Variants in FANCC observed in about 807,000 individuals in gnomAD.
FANCC encodes the protein Fanconi anemia group C protein.
FANCC carries 55 observed loss-of-function variants against 71.3 expected under a neutral mutation model. The observed-to-expected ratio is 0.77, with a 90% CI of 0.62 to 0.97. The LOEUF is 0.97. FANCC is among the 50% of genes least tolerant of loss of function. FANCC has a pLI of 0.00. For synonymous variants in FANCC, 275 were observed against 244.9 expected (o/e 1.12, Z -1.15); for missense variants, 678 against 670.9 (o/e 1.01, Z -0.12).
At chr9:95,275,748 G>GT (rs1368361760) in intron 1 of FANCC, among the ~76,000 whole-genome samples, 1 of 152,138 alleles carries the variant, frequency 6.6e-6, no homozygotes. Flanking sequence ...ACCTAGCTAG[G>GT]TGGTGCATGC....
chr9:95,113,043 T>C (rs2072082674), intron 12 of FANCC, among the ~76,000 whole-genome samples: 1 of 152,238 alleles, frequency 6.6e-6, no homozygotes, highest in Admixed American at 6.5e-5. Context: ...ATCTACGTCC[T>C]GTCCCCGAGT....
chr9:95,165,743 G>A (rs1244311550), intron 6 of FANCC, among the ~76,000 whole-genome samples: 1 of 152,056 alleles, frequency 6.6e-6, no homozygotes, highest in Non-Finnish European at 1.5e-5. Flanking sequence ...TGAGAAGAGT[G>A]TATATTCTGC....
At chr9:95,166,278 C>T (rs1225344274) in intron 6 of FANCC, among the ~76,000 whole-genome samples, 1 of 151,918 alleles carries the variant, frequency 6.6e-6, no homozygotes, top group African/African-American at 2.4e-5. Context: ...TTCCATATAC[C>T]TAGTAGTTAT....
At chr9:95,219,348 C>T (rs773501160) in intron 4 of FANCC, among the ~76,000 whole-genome samples, 5 of 152,162 alleles carry the variant, frequency 3.3e-5, no homozygotes, top group Non-Finnish European at 5.9e-5. Context: ...ACCAGACAGA[C>T]AAATCCAAGG....
chr9:95,274,512 A>C, intron 1 of FANCC, among the ~76,000 whole-genome samples: 1 of 152,194 alleles, frequency 6.6e-6, no homozygotes, highest in Non-Finnish European at 1.5e-5. Flanking sequence ...TTATAGTAGA[A>C]TGATTTATAA....
intron 1 of FANCC, among the ~76,000 whole-genome samples, chr9:95,301,057 T>G (rs1834694425): frequency 6.6e-6 from 1 of 151,922 alleles, no homozygotes; most frequent in Non-Finnish European, 1.5e-5. Flanking sequence ...GCCACCAAAT[T>G]TAAGACTTTG....
chr9:95,263,112 A>G (rs915887493), intron 1 of FANCC, among the ~76,000 whole-genome samples: 11 of 152,222 alleles, frequency 7.2e-5, no homozygotes, highest in African/African-American at 2.4e-4. Flanking sequence ...ATTTACCACA[A>G]TTAAAAAACC....
At position 95,120,303 on chromosome 9, in the gene FANCC, C is replaced by CA. The variant is rs368657429; in HGVS notation, c.997-2914dup. Among the ~76,000 whole-genome samples the CA allele has an allele frequency of 1.8e-3, 269 of 152,224 alleles. 1 individual carries two copies. The highest frequency in any genetic ancestry group is 6.2e-3 in the African/African-American group (258 of 41,538). On this transcript the variant is annotated intron_variant, in intron 10 of 14. Transcript: ENST00000289081. Reference sequence around the variant, plus strand: ...CATTGAATTGTCTTGGCATCTCTGTCAAAAATCAGTTGGCCACATATGTAT... The same window carrying CA: ...CATTGAATTGTCTTGGCATCTCTGTCAAAAAATCAGTTGGCCACATATGTAT...
intron 6 of FANCC, among the ~76,000 whole-genome samples, chr9:95,164,563 G>A (rs1001239329): frequency 6.6e-6 from 1 of 151,950 alleles, no homozygotes; most frequent in Non-Finnish European, 1.5e-5. Context: ...TGATCCATGT[G>A]GTTTTTGTTC....
intron 9 of FANCC, among the ~76,000 whole-genome samples, 168 bp downstream of exon 9, chr9:95,126,361 T>G (rs192346044): frequency 2.6e-5 from 4 of 152,350 alleles, no homozygotes; most frequent in Non-Finnish European, 5.9e-5. Context: ...TTACACTGAT[T>G]TTTGAGTTTT....
At chr9:95,226,527 A>T (rs1005804496) in intron 4 of FANCC, among the ~76,000 whole-genome samples, 2 of 152,274 alleles carry the variant, frequency 1.3e-5, no homozygotes, top group Non-Finnish European at 2.9e-5. Flanking sequence ...GACAGGAGTG[A>T]GGGCAGCTGC....
chr9:95,195,209 A>C (rs1352749004), intron 4 of FANCC, among the ~76,000 whole-genome samples: 1 of 148,292 alleles, frequency 6.7e-6, no homozygotes, highest in African/African-American at 2.5e-5. Flanking sequence ...AAAAAAAAAA[A>C]AAAAAAAAAA....
intron 1 of FANCC, among the ~76,000 whole-genome samples, chr9:95,274,230 T>C (rs887787050): frequency 1.3e-5 from 2 of 152,306 alleles, no homozygotes; most frequent in African/African-American, 4.8e-5. Flanking sequence ...TGTGTCCATG[T>C]GTTCTCACTG....
At chr9:95,183,769 C>G (rs1437544776) in intron 4 of FANCC, among the ~76,000 whole-genome samples, 2 of 152,164 alleles carry the variant, frequency 1.3e-5, no homozygotes, top group Non-Finnish European at 2.9e-5. Flanking sequence ...ACAGGAAAAG[C>G]AGAAGCAAAG....
intron 7 of FANCC, among the ~76,000 whole-genome samples, chr9:95,141,206 G>A (rs1828612521): frequency 6.6e-6 from 1 of 151,420 alleles, no homozygotes; most frequent in Non-Finnish European, 1.5e-5. Flanking sequence ...CAGCCACTCG[G>A]GAGGCTGAGG....
At chr9:95,214,579 A>G (rs1396839453) in intron 4 of FANCC, among the ~76,000 whole-genome samples, 1 of 152,214 alleles carries the variant, frequency 6.6e-6, no homozygotes, top group South Asian at 2.1e-4. Flanking sequence ...TTATCCACAA[A>G]CAACTAAACT....
In FANCC at chr9:95,111,448, G is replaced by T; in HGVS notation, c.1329+15C>A. On this transcript the variant is annotated intron_variant, in intron 13 of 14. Coordinates refer to ENST00000289081, the MANE Select transcript of FANCC (RefSeq NM_000136.3). ...GAGCCCACCCCAAACACATGCAGTGGGGCCTGCTACCCACCATAGTCTGTG... is the reference window on the plus strand; with the variant it reads ...GAGCCCACCCCAAACACATGCAGTGTGGCCTGCTACCCACCATAGTCTGTG... The T allele has an allele frequency of 6.2e-7, 1 of 1,609,200 alleles. No individual in the cohort carries two copies.
chr9:95,099,543 C>T lies in FANCC; in HGVS notation c.*2164G>A, dbSNP rs566582636. The T allele has an allele frequency of 6.4e-4, 148 of 230,274 alleles. No individual in the cohort carries two copies. In the East Asian group the frequency reaches 7.5e-3, roughly 12 times the overall value. The allele number at this position is 230,274 out of a possible 1,614,324, so 14.3% of individuals were successfully genotyped here. A position where few individuals can be genotyped will look rare whatever the true frequency, so the allele number is the denominator to read the frequency against. ...GGAGGTGGGCTTAAGAGTGCCTGCC[C>T]GGCCGCCACCTGTCTTGGAGGTGGA... On this transcript the variant is annotated 3_prime_UTR_variant, in exon 15 of 15. Coordinates refer to ENST00000289081, the MANE Select transcript of FANCC (RefSeq NM_000136.3).
chr9:95,154,044 G>A (rs185879606), intron 6 of FANCC, among the ~76,000 whole-genome samples: 244 of 152,012 alleles, frequency 1.6e-3, no homozygotes, highest in African/African-American at 5.6e-3. Flanking sequence ...TCAGGAGTAC[G>A]AGACCAGCCT....
Sources: gnomAD v4.1 joint callset for allele counts (sites outside exome capture counted in the v4.1 genomes callset) on GRCh38, gnomAD v4.1.1 for gene constraint, MANE v1.5 for transcripts, NCBI Gene and HGNC (gene_info 2026-07-23, HGNC 2026-07-21) for gene names.